Variants in ANKH observed in about 807,000 individuals in gnomAD.
ANKH encodes the protein ANKH inorganic pyrophosphate transport regulator.
In ANKH, 15 loss-of-function variants were observed where a neutral mutation model predicts 49.0. That is an observed-to-expected ratio of 0.31 (90% confidence interval 0.20 to 0.47). The LOEUF is 0.47. ANKH is among the 20% of genes least tolerant of loss of function. The pLI is 1.00. For synonymous variants in ANKH, 273 were observed against 260.0 expected, an observed-to-expected ratio of 1.05 and a Z score of -0.48; for missense variants, 429 against 652.0, an observed-to-expected ratio of 0.66 and a Z score of 3.72.
intron 1 of ANKH, among the ~76,000 whole-genome samples, chr5:14,865,280 A>C (rs1580126067): frequency 6.6e-6 from 1 of 152,262 alleles, no homozygotes; most frequent in Non-Finnish European, 1.5e-5. Context: ...TAATAATGAT[A>C]ATAAATTAAA....
At chr5:14,838,481 A>G (rs1378223627) in intron 1 of ANKH, among the ~76,000 whole-genome samples, 43 of 152,064 alleles carry the variant, frequency 2.8e-4, no homozygotes, top group Admixed American at 2.8e-3. Context: ...AGTGCTCTCC[A>G]ACTCCAGAAA....
intron 1 of ANKH, among the ~76,000 whole-genome samples, chr5:14,817,396 G>GA (rs754708238): frequency 1.8e-4 from 27 of 152,116 alleles, no homozygotes; most frequent in Non-Finnish European, 3.4e-4. Flanking sequence ...GGGGGTGAAA[G>GA]AAAAAACAAA....
At chr5:14,859,779 G>A (rs548746735) in intron 1 of ANKH, among the ~76,000 whole-genome samples, 1 of 152,284 alleles carries the variant, frequency 6.6e-6, no homozygotes, top group East Asian at 1.9e-4. Context: ...AAAACTCACA[G>A]ACCTATACAG....
At chr5:14,775,384 A>G (rs1025336698) in intron 1 of ANKH, among the ~76,000 whole-genome samples, 1 of 152,184 alleles carries the variant, frequency 6.6e-6, no homozygotes, top group African/African-American at 2.4e-5. Context: ...AGTAACAACA[A>G]TAACAATAAA....
intron 1 of ANKH, among the ~76,000 whole-genome samples, chr5:14,802,070 C>T (rs1580079844): frequency 6.6e-6 from 1 of 152,152 alleles, no homozygotes; most frequent in East Asian, 1.9e-4. Flanking sequence ...ACAGTGCCAA[C>T]ACCGGGTCAA....
At chr5:14,808,711 T>A (rs950482483) in intron 1 of ANKH, among the ~76,000 whole-genome samples, 2 of 148,542 alleles carry the variant, frequency 1.3e-5, no homozygotes, top group African/African-American at 2.5e-5. Flanking sequence ...TGTGGAGAAA[T>A]AGGAACACTT....
intron 8 of ANKH, among the ~76,000 whole-genome samples, chr5:14,733,151 T>C (rs1303541894): frequency 1.3e-5 from 2 of 152,306 alleles, no homozygotes; most frequent in South Asian, 2.1e-4. Flanking sequence ...CTGAAAACTG[T>C]CTGGCACCGG....
At chr5:14,792,542 G>A (rs954918463) in intron 1 of ANKH, among the ~76,000 whole-genome samples, 2 of 152,094 alleles carry the variant, frequency 1.3e-5, no homozygotes, top group South Asian at 4.1e-4. Context: ...CTCCTTCACC[G>A]CTCTATCTAG....
rs546177098 is a variant in ANKH at position 14,808,885 on chromosome 5, G to A, written c.97-39694C>T. 9.4e-3 allele frequency among the ~76,000 whole-genome samples: 1,119 copies of A among 118,622 alleles called. 18 individuals are homozygous for A. The highest frequency in any genetic ancestry group is 0.035 in the African/African-American group (1,063 of 29,986). 77.8% of individuals were successfully genotyped at this position (118,622 alleles called of 152,430 possible). A position where few individuals can be genotyped will look rare whatever the true frequency, so the allele number is the denominator to read the frequency against. ...TGCTGCTATAAAGACACATGCACAC[G>A]TATGTTTATTGCGGCATTATTCACA... On this transcript the variant is annotated intron_variant, in intron 1 of 11. Coordinates refer to ENST00000284268, the MANE Select transcript of ANKH (RefSeq NM_054027.6).
rs1212777471 is a variant in ANKH at position 14,709,276 on chromosome 5, G to A, written c.*1921C>T. 2 of 145,064 alleles carry A rather than the reference G, an allele frequency of 1.4e-5. No homozygotes were observed. Among genetic ancestry groups the A allele is most frequent in the East Asian group, 4.1e-4 (2 of 4,868 alleles). 9.0% of individuals were successfully genotyped at this position (145,064 alleles called of 1,614,324 possible). On this transcript the variant is annotated 3_prime_UTR_variant, in exon 12 of 12. Transcript: ENST00000284268. The stretch of plus-strand genomic sequence containing the variant: ...TTAAAAAATACTGTTTAATTTTCTA[G>A]TAATGTCCTTTAAAAAAAGCTGATA...
intron 8 of ANKH, among the ~76,000 whole-genome samples, chr5:14,727,778 T>C (rs1364551997): frequency 6.6e-6 from 1 of 152,138 alleles, no homozygotes; most frequent in Non-Finnish European, 1.5e-5. Flanking sequence ...AATCCCGTTA[T>C]GGGCAGATGG....
intron 2 of ANKH, among the ~76,000 whole-genome samples, chr5:14,762,691 C>T (rs1306623976): frequency 6.6e-6 from 1 of 151,628 alleles, no homozygotes; most frequent in Admixed American, 6.6e-5. Flanking sequence ...TGGGGCGACT[C>T]CCTCCCTCCC....
chr5:14,834,153 G>A (rs958687620), intron 1 of ANKH, among the ~76,000 whole-genome samples: 2 of 152,130 alleles, frequency 1.3e-5, no homozygotes, highest in Admixed American at 6.5e-5. Context: ...AAGAACAAGA[G>A]CTCTACCCTT....
At chr5:14,726,775 T>C (rs1737836185) in intron 8 of ANKH, among the ~76,000 whole-genome samples, 1 of 152,210 alleles carries the variant, frequency 6.6e-6, no homozygotes, top group South Asian at 2.1e-4. Context: ...CCAGGGTGAA[T>C]TGCCGAAAGC....
chr5:14,871,297 G>C (rs756318394), intron 1 of ANKH, 55 bp downstream of exon 1: 1 of 1,499,366 alleles, frequency 6.7e-7, no homozygotes, highest in Admixed American at 1.7e-5. Flanking sequence ...CCCGTGTCCG[G>C]GCGTGTAAGG....
At chr5:14,750,839 T>A (rs1738690696) in intron 5 of ANKH, among the ~76,000 whole-genome samples, 1 of 152,224 alleles carries the variant, frequency 6.6e-6, no homozygotes, top group Non-Finnish European at 1.5e-5. Context: ...TGTCTCCTCC[T>A]ATGGGATAAG....
At chr5:14,724,153 A>G (rs1211470502) in intron 8 of ANKH, among the ~76,000 whole-genome samples, 1 of 152,176 alleles carries the variant, frequency 6.6e-6, no homozygotes, top group African/African-American at 2.4e-5. Flanking sequence ...CCCCATCTCT[A>G]CTAAAAATAC....
chr5:14,824,824 A>G (rs1419890723), intron 1 of ANKH, among the ~76,000 whole-genome samples: 1 of 152,122 alleles, frequency 6.6e-6, no homozygotes, highest in Non-Finnish European at 1.5e-5. Flanking sequence ...CACCTCCAAC[A>G]GCTCTGGTTA....
rs377180091 is a variant in ANKH at position 14,711,191 on chromosome 5, C to T, written c.*6G>A. 207 of 1,611,460 alleles carry T rather than the reference C, an allele frequency of 1.3e-4. No homozygotes were observed. The highest frequency in any genetic ancestry group is 1.6e-4 in the Non-Finnish European group (184 of 1,177,710). On this transcript the variant is annotated 3_prime_UTR_variant, in exon 12 of 12. Transcript: ENST00000284268. Reference sequence around the variant, plus strand: ...TGTCCCTGCAGTGCCCATGGCGTCCCGTGCCTTATTCATTCTCCTCTCTCA... The same window carrying T: ...TGTCCCTGCAGTGCCCATGGCGTCCTGTGCCTTATTCATTCTCCTCTCTCA...
Sources: allele counts gnomAD v4.1 joint callset (sites outside exome capture counted in the v4.1 genomes callset), GRCh38; gene constraint gnomAD v4.1.1; transcripts MANE v1.5; gene names NCBI Gene and HGNC (gene_info 2026-07-23, HGNC 2026-07-21).